FRYL: variants seen among roughly 807,000 people sequenced by gnomAD.
FRYL encodes the protein protein furry homolog-like.
FRYL carries 150 observed loss-of-function variants against 351.2 expected under a neutral mutation model. That is an observed-to-expected ratio of 0.43 (90% CI 0.37 to 0.49). The LOEUF (loss-of-function observed/expected upper bound fraction) is 0.49, where lower values mean the gene tolerates loss of function less well. Among genes scored for constraint, FRYL ranks in the 20% least tolerant of loss-of-function variants. The probability of loss-of-function intolerance (pLI) is 0.00; values close to 1 mark genes in which losing one functional copy is unlikely to be tolerated. For synonymous variants in FRYL, 1,153 were observed against 1,257.1 expected, an observed-to-expected ratio of 0.92 and a Z score of 1.75; for missense variants, 3,036 against 3,619.3, an observed-to-expected ratio of 0.84 and a Z score of 4.13.
intron 3 of FRYL, 87 bp from the exon 4 acceptor site, chr4:48,634,577 C>T (rs1395453431): frequency 1.0e-6 from 1 of 977,508 alleles, no homozygotes. Context: ...TTGTAAGCTG[C>T]CTCTAACCCT....
intron 7 of FRYL, among the ~76,000 whole-genome samples, chr4:48,611,297 TTATTG>T (rs1485341199): frequency 3.3e-5 from 5 of 152,142 alleles, no homozygotes; most frequent in Non-Finnish European, 7.4e-5. Context: ...TTATTTTTTA[TTATTG>T]TATTGTTACT....
At chr4:48,776,121 TA>T (rs1775988875) in intron 1 of FRYL, among the ~76,000 whole-genome samples, 1 of 149,196 alleles carries the variant, frequency 6.7e-6, no homozygotes, top group Non-Finnish European at 1.5e-5. Context: ...TACAATGTGA[TA>T]GGAGCAGTGT....
intron 1 of FRYL, among the ~76,000 whole-genome samples, chr4:48,712,449 A>C (rs1471236896): frequency 6.6e-6 from 1 of 152,262 alleles, no homozygotes; most frequent in Non-Finnish European, 1.5e-5. Context: ...GATGCGATCA[A>C]CTGGAAGAAA....
At chr4:48,671,023 G>A (rs534522722) in intron 3 of FRYL, among the ~76,000 whole-genome samples, 23 of 152,180 alleles carry the variant, frequency 1.5e-4, no homozygotes, top group Non-Finnish European at 2.8e-4. Flanking sequence ...AGGAACCTCC[G>A]TACAGTTCTC....
chr4:48,579,492 A>C (rs1740401290), intron 22 of FRYL, among the ~76,000 whole-genome samples: 1 of 152,154 alleles, frequency 6.6e-6, no homozygotes, highest in African/African-American at 2.4e-5. Context: ...AAACCAAAGA[A>C]GTTCAGGACC....
intron 1 of FRYL, among the ~76,000 whole-genome samples, chr4:48,718,147 T>C (rs566946715): frequency 7.9e-5 from 12 of 151,706 alleles, no homozygotes; most frequent in Non-Finnish European, 1.8e-4. Context: ...AGTTGCATCC[T>C]AGAGTAAATT....
At chr4:48,516,465 T>C (rs1239836986) in intron 55 of FRYL, among the ~76,000 whole-genome samples, 1 of 152,230 alleles carries the variant, frequency 6.6e-6, no homozygotes, top group South Asian at 2.1e-4. Context: ...TAAGTACTAA[T>C]GGTCATAGTT....
intron 3 of FRYL, among the ~76,000 whole-genome samples, chr4:48,678,186 G>A (rs192310208): frequency 4.5e-4 from 69 of 152,258 alleles, no homozygotes; most frequent in African/African-American, 1.6e-3. Flanking sequence ...AGGGTCAAGA[G>A]ATCGAGACCA....
intron 1 of FRYL, among the ~76,000 whole-genome samples, chr4:48,724,709 T>C (rs1769886161): frequency 6.6e-6 from 1 of 152,118 alleles, no homozygotes; most frequent in African/African-American, 2.4e-5. Flanking sequence ...AAAACACCAA[T>C]ATGCATACTT....
intron 1 of FRYL, among the ~76,000 whole-genome samples, chr4:48,772,745 C>A (rs1302359102): frequency 7.1e-6 from 1 of 141,404 alleles, no homozygotes; most frequent in Non-Finnish European, 1.5e-5. Context: ...AAATACTACA[C>A]TGAAATCCAT....
rs1472809698 is a variant in FRYL, at chr4:48,543,850, G to A, written c.5549C>T (p.Ser1850Phe). 6.2e-7 allele frequency: 1 copy of A among 1,613,792 alleles called. No homozygotes were observed. Among genetic ancestry groups the A allele is most frequent in the South Asian group, 1.1e-5 (1 of 91,068 alleles). ...ATCCCCTACAGTTTCTACAAGTCTG[G>A]AGAGAACATCAGAAAGTGTAGTTGC... ...LTATTLSDVL[S>F]RLVETVGDPG... Residue 1850 changes from serine to phenylalanine, a missense_variant, in exon 44 of 64, where the codon TCC becomes TTC. By Grantham distance (155) the Ser-to-Phe change is radical. This residue lies in a region of FRYL where 1,987 missense variants were observed against 2,311.7 expected (regional missense o/e 0.86). Coordinates refer to ENST00000358350, the MANE Select transcript of FRYL (RefSeq NM_015030.2).
At chr4:48,524,351 T>C (rs1725535834) in intron 53 of FRYL, among the ~76,000 whole-genome samples, 1 of 152,122 alleles carries the variant, frequency 6.6e-6, no homozygotes, top group Non-Finnish European at 1.5e-5. Flanking sequence ...TTGGAAGCCC[T>C]AGGGCCCTGC....
intron 2 of FRYL, among the ~76,000 whole-genome samples, chr4:48,692,200 T>C (rs1243456414): frequency 6.6e-6 from 1 of 152,206 alleles, no homozygotes. Flanking sequence ...TTATTTCTTG[T>C]GACCTGGAGC....
At chr4:48,525,949 G>C (rs1217581640) in intron 53 of FRYL, among the ~76,000 whole-genome samples, 1 of 152,014 alleles carries the variant, frequency 6.6e-6, no homozygotes, top group African/African-American at 2.4e-5. Context: ...ATGTACATGA[G>C]AGTTGATGAA....
intron 3 of FRYL, 69 bp from the exon 4 acceptor site, chr4:48,634,559 T>C (rs1398487474): frequency 9.0e-6 from 11 of 1,224,294 alleles, no homozygotes; most frequent in Non-Finnish European, 1.3e-5. Flanking sequence ...ATAACTACCC[T>C]ATTTAATTTG....
intron 62 of FRYL, among the ~76,000 whole-genome samples, chr4:48,500,711 A>G (rs1456338928): frequency 6.6e-6 from 1 of 152,200 alleles, no homozygotes; most frequent in Non-Finnish European, 1.5e-5. Flanking sequence ...GACTAAAGTT[A>G]GCATCTTTGA....
chr4:48,651,213 CGTGTGTGTGTGTGTGTGTGTGTGT>C lies in FRYL; in HGVS notation c.-80-16747_-80-16724del, dbSNP rs10604700. ...CCTGAGTAGCTGGGACCACATGCAC[CGTGTGTGTGTGTGTGTGTGTGTGT>C]GTGTGTGTGTGTGTGTGTGTGTAGT... On this transcript the variant is annotated intron_variant, in intron 3 of 63. Coordinates refer to ENST00000358350, the MANE Select transcript of FRYL (RefSeq NM_015030.2). Among the ~76,000 whole-genome samples, 685 of 104,958 alleles carry C rather than the reference CGTGTGTGTGTGTGTGTGTGTGTGT, an allele frequency of 6.5e-3. 7 individuals are homozygous for C. The highest frequency in any genetic ancestry group is 0.024 in the African/African-American group (642 of 26,534). The allele number at this position is 104,958 out of a possible 152,430, so 68.9% of individuals were successfully genotyped here. A position where few individuals can be genotyped will look rare whatever the true frequency, so the allele number is the denominator to read the frequency against.
chr4:48,508,706 A>G (rs1382691337), intron 59 of FRYL, among the ~76,000 whole-genome samples: 1 of 152,120 alleles, frequency 6.6e-6, no homozygotes, highest in African/African-American at 2.4e-5. Context: ...TGTCTTGCAC[A>G]CTGACTGTCA....
chr4:48,550,424 G>A (rs1486504862), intron 38 of FRYL, 168 bp downstream of exon 38: 39 of 558,014 alleles, frequency 7.0e-5, no homozygotes, highest in Non-Finnish European at 1.0e-4. Flanking sequence ...ACCCAATTAC[G>A]TTGCTTCTTA....
Sources: allele counts gnomAD v4.1 joint callset (sites outside exome capture counted in the v4.1 genomes callset), GRCh38; gene constraint gnomAD v4.1.1; regional missense constraint gnomAD v4.1.1; transcripts MANE v1.5; gene names NCBI Gene and HGNC (gene_info 2026-07-23, HGNC 2026-07-21).